XNDC1N: variants seen among roughly 807,000 people sequenced by gnomAD.
XNDC1N encodes the protein protein XNDC1N.
chr11:71,913,399 C>T, the XNDC1N span, among the ~76,000 whole-genome samples: 48 of 151,934 alleles, frequency 3.2e-4, no homozygotes, highest in Non-Finnish European at 6.2e-4. Flanking sequence ...GGGGGGTGAC[C>T]TTGTAAATCC....
At chr11:71,906,195 G>T in the XNDC1N span, among the ~76,000 whole-genome samples, 1 of 151,904 alleles carries the variant, frequency 6.6e-6, no homozygotes, top group Non-Finnish European at 1.5e-5. Context: ...TACACCCCCT[G>T]TGATATTAGG....
the XNDC1N span, among the ~76,000 whole-genome samples, chr11:71,886,485 T>C: frequency 5.9e-5 from 9 of 151,742 alleles, no homozygotes; most frequent in East Asian, 1.9e-4. Flanking sequence ...GGAAGCTCTC[T>C]TGGAAGGATT....
chr11:71,879,075 G>A, the XNDC1N span, among the ~76,000 whole-genome samples: 1 of 152,106 alleles, frequency 6.6e-6, no homozygotes, highest in Non-Finnish European at 1.5e-5. Context: ...GATGCACACA[G>A]AACACAGGAA....
At chr11:71,907,028 C>G in the XNDC1N span, among the ~76,000 whole-genome samples, 3 of 152,134 alleles carry the variant, frequency 2.0e-5, no homozygotes, top group Admixed American at 2.0e-4. Context: ...AAATCAACCT[C>G]CCCTTAGGAG....
chr11:71,919,758 C>T, the XNDC1N span, among the ~76,000 whole-genome samples: 1 of 150,636 alleles, frequency 6.6e-6, no homozygotes, highest in Non-Finnish European at 1.5e-5. Context: ...GCTGGGACTA[C>T]AGGCGCCCAC....
the XNDC1N span, among the ~76,000 whole-genome samples, chr11:71,879,814 A>G: frequency 3.3e-5 from 5 of 152,124 alleles, no homozygotes; most frequent in Non-Finnish European, 7.4e-5. Context: ...CCTATTCTGG[A>G]CATTTACTAT....
At chr11:71,878,850 A>G in the XNDC1N span, among the ~76,000 whole-genome samples, 1 of 151,930 alleles carries the variant, frequency 6.6e-6, no homozygotes, top group Non-Finnish European at 1.5e-5. Flanking sequence ...AATACAAAAA[A>G]TTAGTCAGGT....
At chr11:71,914,966 G>A in the XNDC1N span, among the ~76,000 whole-genome samples, 1 of 152,204 alleles carries the variant, frequency 6.6e-6, no homozygotes, top group Non-Finnish European at 1.5e-5. Flanking sequence ...TTGTACTGTG[G>A]TTAAAATGGT....
the XNDC1N span, among the ~76,000 whole-genome samples, chr11:71,907,390 G>A: frequency 1.7e-4 from 25 of 150,312 alleles, no homozygotes; most frequent in African/African-American, 6.1e-4. Flanking sequence ...AGCCCCTCTT[G>A]CCCCCCTGGC....
the XNDC1N span, chr11:71,916,115 C>G: frequency 1.4e-6 from 1 of 702,884 alleles, no homozygotes; most frequent in African/African-American, 1.7e-5. Flanking sequence ...GGACCCACCA[C>G]AGAGTCATCT....
chr11:71,877,755 T>C, the XNDC1N span, among the ~76,000 whole-genome samples: 1 of 152,266 alleles, frequency 6.6e-6, no homozygotes, highest in African/African-American at 2.4e-5. Flanking sequence ...AAGTAATTTG[T>C]GCCTCTCTGT....
At chr11:71,911,643 CT>C in the XNDC1N span, among the ~76,000 whole-genome samples, 1 of 152,140 alleles carries the variant, frequency 6.6e-6, no homozygotes, top group South Asian at 2.1e-4. Flanking sequence ...CTCGGTATGT[CT>C]TTTTAACCCT....
the XNDC1N span, chr11:71,903,528 C>T: frequency 4.3e-6 from 3 of 703,132 alleles, no homozygotes; most frequent in South Asian, 4.4e-5. Context: ...GGAAGAGAGA[C>T]ATGCTCCTGA....
chr11:71,920,394 G>A, the XNDC1N span, among the ~76,000 whole-genome samples: 7 of 151,868 alleles, frequency 4.6e-5, no homozygotes, highest in Non-Finnish European at 8.8e-5. Context: ...TGCAACCTCC[G>A]CCTCCCGGGT....
chr11:71,924,460 C>T, the XNDC1N span, among the ~76,000 whole-genome samples: 6 of 152,004 alleles, frequency 3.9e-5, no homozygotes, highest in Non-Finnish European at 7.4e-5. Context: ...GGGTGGATCA[C>T]GAGGTCAGGA....
chr11:71,897,807 C>A, the XNDC1N span, among the ~76,000 whole-genome samples: 1 of 152,218 alleles, frequency 6.6e-6, no homozygotes, highest in Non-Finnish European at 1.5e-5. Flanking sequence ...AATGTGGAAG[C>A]AACCCAAGGG....
At chr11:71,923,623 T>C in the XNDC1N span, 2 of 435,008 alleles carry the variant, frequency 4.6e-6, no homozygotes, top group Non-Finnish European at 4.1e-6. Flanking sequence ...TGGCGCAATC[T>C]TGGCTCACTG....
At chr11:71,866,570 C>T in the XNDC1N span, among the ~76,000 whole-genome samples, 1 of 152,118 alleles carries the variant, frequency 6.6e-6, no homozygotes, top group African/African-American at 2.4e-5. Context: ...TCAAGACCAG[C>T]CTGGCCAACA....
the XNDC1N span, among the ~76,000 whole-genome samples, chr11:71,879,821 C>T: frequency 6.6e-6 from 1 of 152,134 alleles, no homozygotes; most frequent in Non-Finnish European, 1.5e-5. Flanking sequence ...TGGACATTTA[C>T]TATGAACAGA....
Sources: gnomAD v4.1 joint callset for allele counts (sites outside exome capture counted in the v4.1 genomes callset) on GRCh38, gnomAD v4.1.1 for gene constraint, MANE v1.5 for transcripts, NCBI Gene and HGNC (gene_info 2026-07-23, HGNC 2026-07-21) for gene names.